CDC42EP1: variants seen among roughly 807,000 people sequenced by gnomAD.
CDC42EP1 encodes CDC42 effector protein 1.
A neutral mutation model predicts 7.4 loss-of-function variants in CDC42EP1; 6 were observed. That is an observed-to-expected ratio of 0.81 (90% CI 0.44 to 1.60). The LOEUF is 1.60. Among genes scored for constraint, CDC42EP1 ranks in the 40% most tolerant of loss-of-function variants. The pLI is 0.01. For synonymous variants in CDC42EP1, 238 were observed against 227.1 expected, an observed-to-expected ratio of 1.05 and a Z score of -0.43; for missense variants, 567 against 539.0, an observed-to-expected ratio of 1.05 and a Z score of -0.51.
Position 37,566,298 on chromosome 22 carries a change from C to CAA in CDC42EP1, c.-52_-51insAA. On this transcript the variant is annotated 5_prime_UTR_variant, in exon 2 of 3. Transcript: ENST00000249014. The surrounding 1 kb of genome is among the most constrained non-coding windows in gnomAD (Gnocchi z 6.4). Reference sequence around the variant, plus strand: ...GCCATCCCAAGCCCAGCCCACCTCCCTCCCCCGGCCCCTGGTAGGCATGGA... The same window carrying CAA: ...GCCATCCCAAGCCCAGCCCACCTCCCAATCCCCCGGCCCCTGGTAGGCATGGA... 1.0e-6 allele frequency: 1 copy of CAA among 977,542 alleles called. No individual in the cohort carries two copies. Among genetic ancestry groups the CAA allele is most frequent in the African/African-American group, 1.7e-5 (1 of 60,288 alleles). 60.6% of individuals were successfully genotyped at this position (977,542 alleles called of 1,614,324 possible). A position where few individuals can be genotyped will look rare whatever the true frequency, so the allele number is the denominator to read the frequency against.
In CDC42EP1 at chr22:37,566,414, G is replaced by T. The variant is rs1925240299; in HGVS notation, c.65G>T (p.Gly22Val). The change falls in exon 2 of 3, where the codon GGC becomes GTC. Residue 22 changes from glycine to valine, a missense_variant. Physicochemically the swap from Gly to Val is moderately radical, Grantham distance 109 (BLOSUM62 -3). Transcript: ENST00000249014. This position sits in a 1 kb window ranked among gnomAD's most constrained non-coding sequence, Gnocchi z 6.4. Reference sequence around the variant, plus strand: ...AGCCTGGGCAAGCTCTCGCCTGTGGGCTGGGTGTCCAGTTCACAGGGAAAG... The same window carrying T: ...AGCCTGGGCAAGCTCTCGCCTGTGGTCTGGGTGTCCAGTTCACAGGGAAAG... ...TMSLGKLSPV[G>V]WVSSSQGKRR... 1 of 1,604,048 alleles carries T rather than the reference G, an allele frequency of 6.2e-7. No homozygotes were observed. The highest frequency in any genetic ancestry group is 1.1e-5 in the South Asian group (1 of 89,530).
chr22:37,568,047 C>CT, intron 2 of CDC42EP1, 61 bp from the exon 3 acceptor site: 1 of 1,442,756 alleles, frequency 6.9e-7, no homozygotes, highest in Non-Finnish European at 9.6e-7. Context: ...GGTCCTGTCT[C>CT]CCCTCCTGAA....
In CDC42EP1 at chr22:37,566,250, C is replaced by T. The variant is rs1342220383; in HGVS notation, c.-100C>T. ...TTAGGAGAGTGCCATTTACAGCTTC[C>T]GCCAGGGCAAAGGAGCTGAGCAGCC... On this transcript the variant is annotated 5_prime_UTR_variant, in exon 2 of 3. Coordinates refer to ENST00000249014, the MANE Select transcript of CDC42EP1 (RefSeq NM_152243.3). This position sits in a 1 kb window ranked among gnomAD's most constrained non-coding sequence, Gnocchi z 6.4. 1.0e-5 allele frequency: 7 copies of T among 691,052 alleles called. No individual in the cohort carries two copies. The highest frequency in any genetic ancestry group is 2.0e-5 in the South Asian group (1 of 50,476). 42.8% of individuals were successfully genotyped at this position (691,052 alleles called of 1,614,324 possible).
chr22:37,565,515 C>T (rs1298807107), intron 1 of CDC42EP1: 1 of 148,870 alleles, frequency 6.7e-6, no homozygotes, highest in African/African-American at 2.5e-5. Context: ...AGGCTGCCAT[C>T]ATTCTGATTG....
chr22:37,564,923 C>T (rs1925173151), intron 1 of CDC42EP1, among the ~76,000 whole-genome samples: 4 of 151,886 alleles, frequency 2.6e-5, no homozygotes, highest in African/African-American at 7.2e-5. Context: ...GGATTACAGG[C>T]GCCCGCCACT....
Position 37,566,938 on chromosome 22 carries a change from T to A in CDC42EP1, c.463+126T>A. ...ACAGAGGTCAGGCCCAGACCCCACA[T>A]CATGGATGGGGAGGGGGTGCAGTGG... is the stretch of plus-strand genomic sequence containing the variant. On this transcript the variant is annotated intron_variant, in intron 2 of 2. Coordinates refer to ENST00000249014, the MANE Select transcript of CDC42EP1 (RefSeq NM_152243.3). This position sits in a 1 kb window ranked among gnomAD's most constrained non-coding sequence, Gnocchi z 6.4. 2 of 607,868 alleles carry A rather than the reference T, an allele frequency of 3.3e-6. No homozygotes were observed. The highest frequency in any genetic ancestry group is 5.4e-6 in the Non-Finnish European group (2 of 372,220). The allele number at this position is 607,868 out of a possible 1,614,324, so 37.7% of individuals were successfully genotyped here.
chr22:37,560,814 A>C (rs1005209339), intron 1 of CDC42EP1, among the ~76,000 whole-genome samples: 13 of 151,186 alleles, frequency 8.6e-5, no homozygotes, highest in Non-Finnish European at 1.3e-4. Flanking sequence ...AGGCTGGTGG[A>C]GGGGGCAGAG....
chr22:37,566,778 C>A lies in CDC42EP1; in HGVS notation c.429C>A (p.Ser143Arg), dbSNP rs764490162. The change falls in exon 2 of 3, where the codon AGC becomes AGA. Residue 143 changes from serine to arginine, a missense_variant. Physicochemically the swap from Ser to Arg is moderately radical, Grantham distance 110. Coordinates refer to ENST00000249014, the MANE Select transcript of CDC42EP1 (RefSeq NM_152243.3). This position sits in a 1 kb window ranked among gnomAD's most constrained non-coding sequence, Gnocchi z 6.4. ...TTGGCAAGCTCAGCTTCGACAGCAG[C>A]CCCACCAGCTCCACGGACGGCCACT... Reference protein sequence around the residue: ...LVVGKLSFDSSPTSSTDGHSS... With the variant: ...LVVGKLSFDSRPTSSTDGHSS... The A allele has an allele frequency of 3.8e-6, 6 of 1,578,666 alleles. No homozygotes were observed. The highest frequency in any genetic ancestry group is 4.3e-6 in the Non-Finnish European group (5 of 1,163,350).
At chr22:37,565,922 T>C in intron 1 of CDC42EP1, 150 bp from the exon 2 acceptor site, 1 of 158,266 alleles carries the variant, frequency 6.3e-6, no homozygotes, top group East Asian at 1.8e-4. Flanking sequence ...TGGGTCCCCG[T>C]GTGCCTAGCT....
rs1379629472 is a variant in CDC42EP1 at position 37,566,866 on chromosome 22, G to A, written c.463+54G>A. The A allele has an allele frequency of 7.3e-7, 1 of 1,369,220 alleles. No homozygotes were observed. Among genetic ancestry groups the A allele is most frequent in the Admixed American group, 2.4e-5 (1 of 42,444 alleles). 84.8% of individuals were successfully genotyped at this position (1,369,220 alleles called of 1,614,324 possible). On this transcript the variant is annotated intron_variant, in intron 2 of 2. Transcript: ENST00000249014. The surrounding 1 kb of genome is among the most constrained non-coding windows in gnomAD (Gnocchi z 6.4). Reference sequence around the variant, plus strand: ...TTTCAGAGGCTGAGGCTGAGGCCCAGAGGGGTTCAGTGGCTCCTCCAAGCT... The same window carrying A: ...TTTCAGAGGCTGAGGCTGAGGCCCAAAGGGGTTCAGTGGCTCCTCCAAGCT...
intron 1 of CDC42EP1, among the ~76,000 whole-genome samples, chr22:37,562,678 TG>T (rs534907913): frequency 6.6e-6 from 1 of 151,858 alleles, no homozygotes; most frequent in Non-Finnish European, 1.5e-5. Context: ...TGGGTACTAT[TG>T]GGGGGGTGCC....
In CDC42EP1 at chr22:37,568,499, CTG is replaced by C. The variant is rs750032816; in HGVS notation, c.857_858del (p.Cys286SerfsTer13). ...PAASSTPHGHCPNGVTAGLGP... is the reference protein window; with the variant it reads ...PAASSTPHGHXPNGVTAGLGP... ...CCGCAAGCTCCACACCCCATGGACA[CTG>C]TCCCAATGGGGTAACAGCTGGGTTG... On this transcript the variant is annotated frameshift_variant, in exon 3 of 3. Coordinates refer to ENST00000249014, the MANE Select transcript of CDC42EP1 (RefSeq NM_152243.3). LOFTEE classifies it low-confidence loss of function (END_TRUNC). The C allele has an allele frequency of 3.7e-6, 6 of 1,608,872 alleles. No individual in the cohort carries two copies. The highest frequency in any genetic ancestry group is 1.3e-5 in the African/African-American group (1 of 74,968).
chr22:37,566,753 T>C lies in CDC42EP1; in HGVS notation c.404T>C (p.Val135Ala), dbSNP rs771780348. Reference sequence around the variant, plus strand: ...CAGGCCGCCTACGACAGCCTCGTGGTTGGCAAGCTCAGCTTCGACAGCAGC... The same window carrying C: ...CAGGCCGCCTACGACAGCCTCGTGGCTGGCAAGCTCAGCTTCGACAGCAGC... ...LNQAAYDSLV[V>A]GKLSFDSSPT... Residue 135 changes from valine to alanine, a missense_variant, in exon 2 of 3, where the codon GTT becomes GCT. By Grantham distance (64) the Val-to-Ala change is moderately conservative. Coordinates refer to ENST00000249014, the MANE Select transcript of CDC42EP1 (RefSeq NM_152243.3). The surrounding 1 kb of genome is among the most constrained non-coding windows in gnomAD (Gnocchi z 6.4). 1.2e-6 allele frequency: 2 copies of C among 1,603,470 alleles called. No homozygotes were observed. Among genetic ancestry groups the C allele is most frequent in the Non-Finnish European group, 1.7e-6 (2 of 1,174,952 alleles).
rs753729994 is a variant in CDC42EP1, at chr22:37,566,495, T to A, written c.146T>A (p.Met49Lys). Reference sequence around the variant, plus strand: ...CCACTCGGGGACTTCCGCCACACCATGCATGTGGGCCGTGGCGGGGATGTC... The same window carrying A: ...CCACTCGGGGACTTCCGCCACACCAAGCATGTGGGCCGTGGCGGGGATGTC... ...SHPLGDFRHT[M>K]HVGRGGDVFG... The change falls in exon 2 of 3, where the codon ATG becomes AAG. Residue 49 changes from methionine to lysine, a missense_variant. By Grantham distance (95) the Met-to-Lys change is moderately conservative. Coordinates refer to ENST00000249014, the MANE Select transcript of CDC42EP1 (RefSeq NM_152243.3). This position sits in a 1 kb window ranked among gnomAD's most constrained non-coding sequence, Gnocchi z 6.4. 1.9e-6 allele frequency: 3 copies of A among 1,613,254 alleles called. No individual in the cohort carries two copies. The East Asian group carries it at 6.7e-5, about 36-fold the overall frequency.
At chr22:37,561,278 T>G (rs1925030963) in intron 1 of CDC42EP1, among the ~76,000 whole-genome samples, 1 of 152,180 alleles carries the variant, frequency 6.6e-6, no homozygotes, top group Admixed American at 6.5e-5. Flanking sequence ...GAAGCCCTTT[T>G]CCTAGACCGG....
rs540532474 is a variant in CDC42EP1, at chr22:37,560,951, G to A, written c.-279+363G>A. Among the ~76,000 whole-genome samples, 208 of 151,866 alleles carry A rather than the reference G, an allele frequency of 1.4e-3. 1 individual carries two copies. Among genetic ancestry groups the A allele is most frequent in the African/African-American group, 4.8e-3 (200 of 41,472 alleles). On this transcript the variant is annotated intron_variant, in intron 1 of 2. Coordinates refer to ENST00000249014, the MANE Select transcript of CDC42EP1 (RefSeq NM_152243.3). ...CGGGGCGGGCAGCGGGCGACGCGGC[G>A]GAATGTCTCCCCTCCGCCGAGGCCC...
chr22:37,564,177 A>G (rs372497221), intron 1 of CDC42EP1, among the ~76,000 whole-genome samples: 2 of 152,034 alleles, frequency 1.3e-5, no homozygotes, highest in African/African-American at 2.4e-5. Context: ...TGGACTTTGT[A>G]TGACACTAGA....
intron 2 of CDC42EP1, among the ~76,000 whole-genome samples, chr22:37,567,102 C>A (rs1006045776): frequency 1.3e-5 from 2 of 152,106 alleles, no homozygotes; most frequent in African/African-American, 4.8e-5. Context: ...AGTCACCCAC[C>A]CATTCTTGCC....
chr22:37,568,575 G>A lies in CDC42EP1; in HGVS notation c.931G>A (p.Gly311Arg), dbSNP rs1283280315. Residue 311 changes from glycine (G) to arginine (R), a missense_variant, in exon 3 of 3, where the codon GGA becomes AGA. Coordinates refer to ENST00000249014, the MANE Select transcript of CDC42EP1 (RefSeq NM_152243.3). ...CAGCCCAGTGGGAGGGGGTCCCCGA[G>A]GACCTGCTGGCCCTGCCCTCGGCAG... Reference protein sequence around the residue: ...KSSPVGGGPRGPAGPALGRHW... With the variant: ...KSSPVGGGPRRPAGPALGRHW... 2 of 1,603,562 alleles carry A rather than the reference G, an allele frequency of 1.2e-6. No homozygotes were observed. The highest frequency in any genetic ancestry group is 1.7e-6 in the Non-Finnish European group (2 of 1,175,530).
Sources: gnomAD v4.1 joint callset for allele counts (sites outside exome capture counted in the v4.1 genomes callset) on GRCh38, gnomAD v4.1.1 for gene constraint, Gnocchi (gnomAD v3.1) non-coding constraint, MANE v1.5 for transcripts, NCBI Gene and HGNC (gene_info 2026-07-23, HGNC 2026-07-21) for gene names.